Variants in CACNA1C observed in about 807,000 individuals in gnomAD.
CACNA1C encodes the protein voltage-dependent L-type calcium channel subunit alpha-1C.
In CACNA1C, 30 loss-of-function variants were observed where a neutral mutation model predicts 229.0. The ratio of observed to expected loss-of-function variants is 0.13; its 90% CI spans 0.10 to 0.18. The LOEUF (loss-of-function observed/expected upper bound fraction) is 0.18. CACNA1C is among the 10% of genes least tolerant of loss of function. The probability of loss-of-function intolerance (pLI) is 1.00; values close to 1 mark genes in which losing one functional copy is unlikely to be tolerated. For missense variants in CACNA1C, 1,658 were observed against 2,845.0 expected, an observed-to-expected ratio of 0.58 and a Z score of 9.49; for synonymous variants, 1,114 against 1,132.5, an observed-to-expected ratio of 0.98 and a Z score of 0.33.
At chr12:2,226,153 A>C (rs915879956) in intron 3 of CACNA1C, among the ~76,000 whole-genome samples, 2 of 151,798 alleles carry the variant, frequency 1.3e-5, no homozygotes, top group African/African-American at 4.8e-5. Context: ...ACACACACAC[A>C]CACACACACA....
chr12:2,316,251 T>G (rs1196712075), intron 3 of CACNA1C, among the ~76,000 whole-genome samples: 1 of 152,272 alleles, frequency 6.6e-6, no homozygotes, highest in Admixed American at 6.5e-5. Flanking sequence ...ATCTCTTATC[T>G]GTATGGTCTT....
Position 2,691,297 on chromosome 12 carries a change from C to A in CACNA1C, c.*98C>A. 1.6e-6 allele frequency: 2 copies of A among 1,212,864 alleles called. No individual in the cohort carries two copies. The highest frequency in any genetic ancestry group is 2.2e-6 in the Non-Finnish European group (2 of 906,116). The allele number at this position is 1,212,864 out of a possible 1,614,324, so 75.1% of individuals were successfully genotyped here. Reference sequence around the variant, plus strand: ...ACTGTTCTCGTGACCTGGAGTTAACCGGAACAGCGTCTTCATTCATTTCTG... The same window carrying A: ...ACTGTTCTCGTGACCTGGAGTTAACAGGAACAGCGTCTTCATTCATTTCTG... On this transcript the variant is annotated 3_prime_UTR_variant, in exon 47 of 47. Transcript: ENST00000399655.
intron 3 of CACNA1C, among the ~76,000 whole-genome samples, chr12:2,209,476 G>A (rs1396335235): frequency 1.3e-5 from 2 of 152,314 alleles, no homozygotes; most frequent in South Asian, 2.1e-4. Flanking sequence ...GGGGAGGCAC[G>A]CCCGTGGCTG....
At chr12:2,189,215 C>T (rs1317936854) in intron 3 of CACNA1C, among the ~76,000 whole-genome samples, 2 of 151,738 alleles carry the variant, frequency 1.3e-5, no homozygotes, top group Non-Finnish European at 2.9e-5. Context: ...CCTGGGTTAG[C>T]ACCATTGTGT....
chr12:2,564,231 G>A (rs548207275), intron 11 of CACNA1C, among the ~76,000 whole-genome samples: 116 of 152,120 alleles, frequency 7.6e-4, no homozygotes, highest in African/African-American at 2.6e-3. Flanking sequence ...GATATGATAC[G>A]CACTGTGATA....
intron 1 of CACNA1C, among the ~76,000 whole-genome samples, chr12:2,062,165 T>C (rs1217149713): frequency 1.3e-5 from 2 of 152,226 alleles, no homozygotes; most frequent in Non-Finnish European, 2.9e-5. Flanking sequence ...GAAAAAAAGC[T>C]GTATTGAGGT....
rs114714957 is a variant in CACNA1C, at chr12:2,653,977, G to T, written c.4140+77G>T. 5,189 of 1,154,482 alleles carry T rather than the reference G, an allele frequency of 4.5e-3. 51 individuals are homozygous for T. The highest frequency in any genetic ancestry group is 0.03 in the African/African-American group (1,975 of 66,240). The allele number at this position is 1,154,482 out of a possible 1,614,324, so 71.5% of individuals were successfully genotyped here. On this transcript the variant is annotated intron_variant, in intron 33 of 46. Transcript: ENST00000399655. This position sits in a 1 kb window ranked among gnomAD's most constrained non-coding sequence, Gnocchi z 4.7. ...AGTTCCCAGCACCACATTCCCTAAC[G>T]CCTTCCTCCCTCCCTTCTCCCTTTC...
intron 11 of CACNA1C, among the ~76,000 whole-genome samples, chr12:2,562,390 T>C (rs1340299236): frequency 6.6e-6 from 1 of 152,254 alleles, no homozygotes; most frequent in Non-Finnish European, 1.5e-5. Context: ...ACTGTATCTA[T>C]TTAAAACATG....
At chr12:2,217,641 A>G (rs958216902) in intron 3 of CACNA1C, 7 of 152,182 alleles carry the variant, frequency 4.6e-5, no homozygotes, top group African/African-American at 1.7e-4. Context: ...TTTCATTTGT[A>G]CTTGATTTGG....
At chr12:2,284,446 G>A (rs966837153) in intron 3 of CACNA1C, among the ~76,000 whole-genome samples, 1 of 152,184 alleles carries the variant, frequency 6.6e-6, no homozygotes, top group African/African-American at 2.4e-5. Flanking sequence ...AGACAGTGAG[G>A]GGCTGGGGGA....
At position 2,611,687 on chromosome 12, in the gene CACNA1C, G is replaced by A. The variant is rs117621166; in HGVS notation, c.3718-216G>A. On this transcript the variant is annotated intron_variant, in intron 28 of 46. Transcript: ENST00000399655. ...AGTTGTCACGGCCAACCAGGGAAATGAACACAGATGTGTTCAGAGATGGCA... is the reference window on the plus strand; with the variant it reads ...AGTTGTCACGGCCAACCAGGGAAATAAACACAGATGTGTTCAGAGATGGCA... Among the ~76,000 whole-genome samples, 2,893 of 152,244 alleles carry A rather than the reference G, an allele frequency of 0.019. 46 individuals carry two copies. The highest frequency in any genetic ancestry group is 0.035 in the South Asian group (169 of 4,822).
intron 1 of CACNA1C, chr12:1,997,873 C>T (rs1164901261): frequency 5.3e-5 from 72 of 1,345,928 alleles, no homozygotes; most frequent in Non-Finnish European, 7.4e-5. Flanking sequence ...AGAAGAGTGA[C>T]ACAACGGAGC....
At chr12:2,373,698 A>G (rs1172709131) in intron 3 of CACNA1C, among the ~76,000 whole-genome samples, 1 of 152,154 alleles carries the variant, frequency 6.6e-6, no homozygotes, top group Non-Finnish European at 1.5e-5. Flanking sequence ...ACAGAATTAT[A>G]TTCGTATTTA....
intron 3 of CACNA1C, among the ~76,000 whole-genome samples, chr12:2,292,462 C>T (rs2093609516): frequency 1.3e-5 from 2 of 152,220 alleles, no homozygotes; most frequent in South Asian, 4.1e-4. Flanking sequence ...TCAGCCCTTT[C>T]ACATTGTGCA....
At chr12:2,163,546 C>T (rs1024683983) in intron 3 of CACNA1C, among the ~76,000 whole-genome samples, 4 of 152,082 alleles carry the variant, frequency 2.6e-5, no homozygotes, top group African/African-American at 9.7e-5. Context: ...ATCCTGGGTA[C>T]ACTTTTCTGT....
At position 2,653,966 on chromosome 12, in the gene CACNA1C, C is replaced by A; in HGVS notation, c.4140+66C>A. ...TGTCTCTCCCCAGTTCCCAGCACCA[C>A]ATTCCCTAACGCCTTCCTCCCTCCC... On this transcript the variant is annotated intron_variant, in intron 33 of 46. Coordinates refer to ENST00000399655, the MANE Select transcript of CACNA1C (RefSeq NM_000719.7). This position sits in a 1 kb window ranked among gnomAD's most constrained non-coding sequence, Gnocchi z 4.7. 1 of 1,262,834 alleles carries A rather than the reference C, an allele frequency of 7.9e-7. No homozygotes were observed. Among genetic ancestry groups the A allele is most frequent in the Non-Finnish European group, 1.2e-6 (1 of 866,590 alleles). 78.2% of individuals were successfully genotyped at this position (1,262,834 alleles called of 1,614,324 possible).
At chr12:2,182,741 G>A (rs577607880) in intron 3 of CACNA1C, among the ~76,000 whole-genome samples, 2 of 152,140 alleles carry the variant, frequency 1.3e-5, no homozygotes, top group Admixed American at 6.5e-5. Flanking sequence ...CTGAGTCCAA[G>A]GTAGGGGAAA....
In CACNA1C at chr12:2,493,137, A is replaced by T. The variant is rs1042927859; in HGVS notation, c.917-53A>T. The stretch of plus-strand genomic sequence containing the variant: ...TTCTCTCTGACTTCTTTCTCTGCCC[A>T]CATCTCTCCCTCCCTGCTGCTCCCG... On this transcript the variant is annotated intron_variant, in intron 6 of 46. Coordinates refer to ENST00000399655, the MANE Select transcript of CACNA1C (RefSeq NM_000719.7). The surrounding 1 kb of genome is among the most constrained non-coding windows in gnomAD (Gnocchi z 4.6). 1.3e-6 allele frequency: 2 copies of T among 1,489,448 alleles called. No homozygotes were observed. Among genetic ancestry groups the T allele is most frequent in the African/African-American group, 2.8e-5 (2 of 72,202 alleles). The allele number at this position is 1,489,448 out of a possible 1,614,324, so 92.3% of individuals were successfully genotyped here.
Position 2,666,932 on chromosome 12 carries a change from CTA to C in CACNA1C, c.4623+152_4623+153del, listed in dbSNP as rs917751903. 1.5e-6 allele frequency: 1 copy of C among 648,706 alleles called. No homozygotes were observed. Among genetic ancestry groups the C allele is most frequent in the Non-Finnish European group, 2.8e-6 (1 of 357,532 alleles). 40.2% of individuals were successfully genotyped at this position (648,706 alleles called of 1,614,324 possible). On this transcript the variant is annotated intron_variant, in intron 37 of 46. Transcript: ENST00000399655. The surrounding 1 kb of genome is among the most constrained non-coding windows in gnomAD (Gnocchi z 5.3). ...CCTTCCAGCTCTAAATTCTCAGACT[CTA>C]TGAGGGAATAACAGAGTGAATGCCT...
Sources: allele counts gnomAD v4.1 joint callset (sites outside exome capture counted in the v4.1 genomes callset), GRCh38; gene constraint gnomAD v4.1.1; non-coding constraint Gnocchi (gnomAD v3.1); transcripts MANE v1.5; gene names NCBI Gene and HGNC (gene_info 2026-07-23, HGNC 2026-07-21).